The following MROH2A variants were observed in gnomAD, a reference collection of about 807,000 sequenced individuals.
MROH2A encodes maestro heat-like repeat-containing protein family member 2A.
Under a neutral mutation model 200.4 loss-of-function variants are expected in MROH2A, and 174 were observed. That is an observed-to-expected ratio of 0.87 (90% CI 0.77 to 0.98). The LOEUF (loss-of-function observed/expected upper bound fraction) is 0.98, where lower values mean the gene tolerates loss of function less well. MROH2A is among the 50% of genes least tolerant of loss of function. The probability of loss-of-function intolerance (pLI) is 0.00; values close to 1 mark genes in which losing one functional copy is unlikely to be tolerated. For synonymous variants in MROH2A, 829 were observed against 840.4 expected (o/e 0.99, Z 0.23); for missense variants, 2,045 against 2,139.6 (o/e 0.96, Z 0.87).
chr2:233,808,786 G>A (rs28900669), intron 21 of MROH2A, among the ~76,000 whole-genome samples: 59 of 152,314 alleles, frequency 3.9e-4, no homozygotes, highest in Middle Eastern at 3.4e-3. Flanking sequence ...TGCCTGGTAG[G>A]TGAAGGTATG....
Position 233,829,166 on chromosome 2 carries a change from C to G in MROH2A, c.4446+94C>G, listed in dbSNP as rs973397963. On this transcript the variant is annotated intron_variant, in intron 37 of 41. Transcript: ENST00000389758. Reference sequence around the variant, plus strand: ...AGATGGGCTCTAGAGCAGAAAAGAGCCGAGGCTCCTGCTGGGTGTCAGTTT... The same window carrying G: ...AGATGGGCTCTAGAGCAGAAAAGAGGCGAGGCTCCTGCTGGGTGTCAGTTT... 4.9e-6 allele frequency: 6 copies of G among 1,217,298 alleles called. No individual in the cohort carries two copies. The African/African-American group carries it at 9.2e-5, about 19-fold the overall frequency. 75.4% of individuals were successfully genotyped at this position (1,217,298 alleles called of 1,614,324 possible). A position where few individuals can be genotyped will look rare whatever the true frequency, so the allele number is the denominator to read the frequency against.
intron 3 of MROH2A, among the ~76,000 whole-genome samples, chr2:233,780,966 T>A (rs1700928796): frequency 6.6e-6 from 1 of 152,218 alleles, no homozygotes; most frequent in Non-Finnish European, 1.5e-5. Flanking sequence ...ATAGCTCCCA[T>A]ATATGAGTGA....
At position 233,798,816 on chromosome 2, in the gene MROH2A, T is replaced by C. The variant is rs1702274917; in HGVS notation, c.1295T>C (p.Val432Ala). 1.3e-6 allele frequency: 2 copies of C among 1,550,252 alleles called. No homozygotes were observed. Among genetic ancestry groups the C allele is most frequent in the East Asian group, 2.4e-5 (1 of 40,892 alleles). The change falls in exon 12 of 42, where the codon GTA becomes GCA. Residue 432 changes from valine to alanine, a missense_variant. Physicochemically the swap from Val to Ala is moderately conservative, Grantham distance 64 (BLOSUM62 0). This residue lies in a region of MROH2A where 831 missense variants were observed against 800.0 expected (regional missense o/e 1.04). Coordinates refer to ENST00000389758, the MANE Select transcript of MROH2A (RefSeq NM_001394639.1). ...AGGGCCATCTACCTGGCTATCCGGG[T>C]AGTCAAGAACACCATCTCTGATACC... The part of the protein sequence containing the change: ...SIRAIYLAIR[V>A]VKNTISDTRS...
In MROH2A at chr2:233,833,241, AC is replaced by A. The variant is rs1238851871; in HGVS notation, c.5011del (p.Gln1671LysfsTer12). ...GTAGTCAGCATGGGTTTCTGGCTTC[AC>A]CCCAAGGAATGTCCTAGGTGGTCCA... The part of the protein sequence containing the change: ...SCSQHGFLAS[P>X]QGMS On this transcript the variant is annotated frameshift_variant, in exon 42 of 42. Coordinates refer to ENST00000389758, the MANE Select transcript of MROH2A (RefSeq NM_001394639.1). LOFTEE classifies it high-confidence loss of function. 4.5e-6 allele frequency: 7 copies of A among 1,549,456 alleles called. No individual in the cohort carries two copies. The highest frequency in any genetic ancestry group is 6.1e-6 in the Non-Finnish European group (7 of 1,146,658).
At chr2:233,800,505 C>T (rs1401041761) in intron 14 of MROH2A, among the ~76,000 whole-genome samples, 190 bp downstream of exon 14, 1 of 152,198 alleles carries the variant, frequency 6.6e-6, no homozygotes, top group Non-Finnish European at 1.5e-5. Flanking sequence ...TGAGAACTTA[C>T]TCTTCATCTC....
chr2:233,823,443 G>A (rs1340398469), intron 34 of MROH2A, 113 bp from the exon 35 acceptor site: 27 of 1,302,974 alleles, frequency 2.1e-5, no homozygotes, highest in South Asian at 1.9e-4. Context: ...ACATCTTTCC[G>A]GGGTTATCTT....
chr2:233,808,841 T>TC (rs1226328666), intron 21 of MROH2A, among the ~76,000 whole-genome samples: 1 of 152,068 alleles, frequency 6.6e-6, no homozygotes, highest in African/African-American at 2.4e-5. Context: ...CTTGAGCACC[T>TC]CCCCCCACAG....
intron 7 of MROH2A, 42 bp downstream of exon 7, chr2:233,793,866 C>A: frequency 7.4e-7 from 1 of 1,354,634 alleles, no homozygotes; most frequent in African/African-American, 1.5e-5. Flanking sequence ...GGTCCCCAGG[C>A]CACAGCTCCC....
At position 233,828,979 on chromosome 2, in the gene MROH2A, G is replaced by A. The variant is rs1704525475; in HGVS notation, c.4353G>A (p.Glu1451=). The change falls in exon 37 of 42, where the codon GAG becomes GAA. Residue 1451 remains glutamate (E), a synonymous_variant. Coordinates refer to ENST00000389758, the MANE Select transcript of MROH2A (RefSeq NM_001394639.1). The surrounding 1 kb of genome is among the most constrained non-coding windows in gnomAD (Gnocchi z 4.6). ...VSNSVTAEGM[E]ALTKILAELR... The stretch of plus-strand genomic sequence containing the variant: ...ACAGCGTGACTGCCGAGGGCATGGA[G>A]GCCCTGACCAAGATCCTGGCTGAGC... 3.2e-6 allele frequency: 5 copies of A among 1,550,444 alleles called. No homozygotes were observed. Among genetic ancestry groups the A allele is most frequent in the South Asian group, 1.2e-5 (1 of 84,068 alleles).
chr2:233,779,642 C>T (rs1412148660), intron 2 of MROH2A, 29 bp from the exon 3 acceptor site: 8 of 1,547,864 alleles, frequency 5.2e-6, no homozygotes, highest in Non-Finnish European at 7.0e-6. Flanking sequence ...CATTTCCACA[C>T]TGCACCTGGG....
At chr2:233,793,614 G>A (rs1448510260) in intron 6 of MROH2A, 59 bp from the exon 7 acceptor site, 9 of 1,324,466 alleles carry the variant, frequency 6.8e-6, no homozygotes, top group Non-Finnish European at 8.7e-6. Context: ...GGCTGGGAAG[G>A]CTTGGTTCTG....
chr2:233,813,808 G>T, intron 25 of MROH2A, 30 bp downstream of exon 25: 1 of 1,311,402 alleles, frequency 7.6e-7, no homozygotes, highest in East Asian at 2.5e-5. Context: ...CTCATTTGCT[G>T]GGTCAGGACC....
rs1701595713 is a variant in MROH2A, at chr2:233,789,637, C to T, written c.408+9C>T. On this transcript the variant is annotated intron_variant, in intron 4 of 41. Transcript: ENST00000389758. ...TGAGGGAGATCCCAGAGGTAGGACCCCAAGCTCCATCGGTGCCTTCCCTCT... is the reference window on the plus strand; with the variant it reads ...TGAGGGAGATCCCAGAGGTAGGACCTCAAGCTCCATCGGTGCCTTCCCTCT... 2 of 1,453,360 alleles carry T rather than the reference C, an allele frequency of 1.4e-6. No homozygotes were observed. 90.0% of individuals were successfully genotyped at this position (1,453,360 alleles called of 1,614,324 possible).
In MROH2A at chr2:233,819,340, C is replaced by T. The variant is rs6754859; in HGVS notation, c.3228C>T (p.Cys1076=). ...IAKVVCMEFS[C]DEVVSLIQKL... is the part of the protein sequence containing the mutation. ...AGGTGGTCTGCATGGAGTTTAGCTG[C>T]GATGAGGTGGTCTCGCTCATCCAGA... is the stretch of plus-strand genomic sequence containing the variant. The change falls in exon 30 of 42, where the codon TGC becomes TGT. Residue 1076 remains cysteine (C), a synonymous_variant. Coordinates refer to ENST00000389758, the MANE Select transcript of MROH2A (RefSeq NM_001394639.1). 1,083,851 of 1,550,140 alleles carry T rather than the reference C, an allele frequency of 0.7. 391,748 individuals are homozygous for T. The highest frequency in any genetic ancestry group is 0.75 in the South Asian group (62,874 of 84,054).
intron 5 of MROH2A, among the ~76,000 whole-genome samples, chr2:233,792,212 C>T (rs377737530): frequency 2.0e-5 from 3 of 152,220 alleles, no homozygotes; most frequent in African/African-American, 7.2e-5. Flanking sequence ...TCCTCTCTTC[C>T]CTCCCTCTCT....
chr2:233,803,529 C>G (rs750955977), intron 16 of MROH2A, 41 bp downstream of exon 16: 1 of 1,547,786 alleles, frequency 6.5e-7, no homozygotes, highest in South Asian at 1.2e-5. Context: ...CTGGCAAGGC[C>G]ATGCCCTGTG....
At chr2:233,827,891 T>A (rs1211275921) in intron 35 of MROH2A, among the ~76,000 whole-genome samples, 5 of 152,090 alleles carry the variant, frequency 3.3e-5, no homozygotes, top group Non-Finnish European at 7.3e-5. Context: ...TTAAAATAGG[T>A]TGTGATCGTT....
chr2:233,787,955 T>TAA, intron 3 of MROH2A, among the ~76,000 whole-genome samples: 1 of 78,386 alleles, frequency 1.3e-5, no homozygotes, highest in African/African-American at 6.1e-5. Flanking sequence ...ATATTATATA[T>TAA]ACATATATTA....
Position 233,828,857 on chromosome 2 carries a change from G to T in MROH2A, c.4264-33G>T. 9 of 1,550,068 alleles carry T rather than the reference G, an allele frequency of 5.8e-6. No homozygotes were observed. The highest frequency in any genetic ancestry group is 7.8e-6 in the Non-Finnish European group (9 of 1,146,764). ...GTGCCCTGGTCAGCCTGGGAGGGAG[G>T]GTGCAGGCTGAGGGCTGCCCATGCC... On this transcript the variant is annotated intron_variant, in intron 36 of 41. Transcript: ENST00000389758. The surrounding 1 kb of genome is among the most constrained non-coding windows in gnomAD (Gnocchi z 4.6).
Sources: allele counts gnomAD v4.1 joint callset (sites outside exome capture counted in the v4.1 genomes callset), GRCh38; gene constraint gnomAD v4.1.1; regional missense constraint gnomAD v4.1.1; non-coding constraint Gnocchi (gnomAD v3.1); transcripts MANE v1.5; gene names NCBI Gene and HGNC (gene_info 2026-07-23, HGNC 2026-07-21).